EPB41: variants seen among roughly 807,000 people sequenced by gnomAD.
EPB41 encodes erythrocyte membrane protein band 4.1.
EPB41 carries 65 observed loss-of-function variants against 108.0 expected under a neutral mutation model. That is an observed-to-expected ratio of 0.60 (90% CI 0.49 to 0.74). The LOEUF (loss-of-function observed/expected upper bound fraction) is 0.74, where lower values mean the gene tolerates loss of function less well. Among genes scored for constraint, EPB41 ranks in the 30% least tolerant of loss-of-function variants. The probability of loss-of-function intolerance (pLI) is 0.00; values close to 1 mark genes in which losing one functional copy is unlikely to be tolerated. For synonymous variants in EPB41, 336 were observed against 358.9 expected, an observed-to-expected ratio of 0.94 and a Z score of 0.72; for missense variants, 875 against 1,037.0, an observed-to-expected ratio of 0.84 and a Z score of 2.15.
intron 1 of EPB41, among the ~76,000 whole-genome samples, chr1:28,888,080 C>T (rs2089655926): frequency 6.6e-6 from 1 of 152,234 alleles, no homozygotes; most frequent in African/African-American, 2.4e-5. Context: ...CAACCCGAGC[C>T]CGAGCTCGCT....
At chr1:28,902,764 C>T (rs1246035427) in intron 1 of EPB41, among the ~76,000 whole-genome samples, 1 of 152,084 alleles carries the variant, frequency 6.6e-6, no homozygotes, top group Non-Finnish European at 1.5e-5. Context: ...AGGAAATTAT[C>T]CTGGGTTTGA....
upstream of EPB41, among the ~76,000 whole-genome samples, chr1:28,911,335 C>T (rs1204060594): frequency 6.6e-6 from 1 of 152,202 alleles, no homozygotes; most frequent in African/African-American, 2.4e-5. Context: ...CTTTCAGATT[C>T]TAAAGCCTGA....
intron 1 of EPB41, among the ~76,000 whole-genome samples, chr1:28,898,734 C>T (rs530576926): frequency 6.6e-6 from 1 of 152,360 alleles, no homozygotes; most frequent in South Asian, 2.1e-4. Flanking sequence ...TCCCCTCCTG[C>T]CCCTTGCCCG....
At chr1:28,965,497 G>A (rs964695978) in intron 1 of EPB41, among the ~76,000 whole-genome samples, 7 of 152,134 alleles carry the variant, frequency 4.6e-5, no homozygotes, top group African/African-American at 1.7e-4. Context: ...AATGAATCAG[G>A]TATAGACACA....
intron 1 of EPB41, among the ~76,000 whole-genome samples, chr1:28,916,708 A>G (rs546328472): frequency 6.6e-6 from 1 of 152,274 alleles, no homozygotes; most frequent in South Asian, 2.1e-4. Context: ...TCTACCAACA[A>G]AACTATACAT....
chr1:28,985,967 C>T (rs930737538), intron 1 of EPB41, among the ~76,000 whole-genome samples: 1 of 146,466 alleles, frequency 6.8e-6, no homozygotes, highest in Non-Finnish European at 1.5e-5. Flanking sequence ...TCTCCCAATG[C>T]TATCCCTCCC....
intron 10 of EPB41, among the ~76,000 whole-genome samples, chr1:29,038,009 C>T (rs552168296): frequency 1.3e-5 from 2 of 152,246 alleles, no homozygotes; most frequent in South Asian, 2.1e-4. Flanking sequence ...TATTTTGAAG[C>T]AAATCCCAGG....
chr1:29,033,943 A>G (rs1638404891), intron 9 of EPB41, among the ~76,000 whole-genome samples: 1 of 152,206 alleles, frequency 6.6e-6, no homozygotes, highest in Non-Finnish European at 1.5e-5. Context: ...TACCTTCTCC[A>G]TCATAGTTAT....
chr1:29,078,169 A>G (rs1245738623), intron 16 of EPB41, among the ~76,000 whole-genome samples: 1 of 152,148 alleles, frequency 6.6e-6, no homozygotes, highest in African/African-American at 2.4e-5. Flanking sequence ...CAGTGAGCCA[A>G]AATTGCACCA....
intron 11 of EPB41, among the ~76,000 whole-genome samples, chr1:29,040,355 C>T (rs747133062): frequency 1.3e-5 from 2 of 152,014 alleles, no homozygotes; most frequent in South Asian, 2.1e-4. Flanking sequence ...CCTCGGCCCA[C>T]TGCAACCTCT....
chr1:28,965,159 A>G (rs114688060), intron 1 of EPB41, among the ~76,000 whole-genome samples: 2,735 of 152,234 alleles, frequency 0.018, 41 homozygotes, highest in South Asian at 0.035. Flanking sequence ...GGTTTTTTGA[A>G]TTAGTGAATA....
intron 5 of EPB41, among the ~76,000 whole-genome samples, chr1:29,015,283 C>T (rs562087940): frequency 1.3e-5 from 2 of 151,918 alleles, no homozygotes; most frequent in African/African-American, 2.4e-5. Flanking sequence ...GTAGGCTGGG[C>T]GTGGTGGCTC....
At chr1:28,945,164 A>T (rs2094449353) in intron 1 of EPB41, among the ~76,000 whole-genome samples, 1 of 151,972 alleles carries the variant, frequency 6.6e-6, no homozygotes. Context: ...ATACTTTACC[A>T]TCTAAAATTG....
intron 1 of EPB41, among the ~76,000 whole-genome samples, chr1:28,954,923 TAA>T (rs376138867): frequency 2.6e-5 from 4 of 152,370 alleles, no homozygotes; most frequent in African/African-American, 9.6e-5. Context: ...GAACACATGA[TAA>T]AGCTATTATA....
Position 29,053,204 on chromosome 1 carries a change from TA to T in EPB41, c.1744del (p.Thr582GlnfsTer11). 2 of 1,614,016 alleles carry T rather than the reference TA, an allele frequency of 1.2e-6. No homozygotes were observed. The highest frequency in any genetic ancestry group is 1.7e-6 in the Non-Finnish European group (2 of 1,180,006). ...AAGGTGGCGTCCTAGATGCCTCTGC[TA>T]AAAAAACAGTGGTCCCTAAAGCACA... ...AEGGVLDASA[K>X]KTVVPKAQKE... On this transcript the variant is annotated frameshift_variant, in exon 12 of 21. Transcript: ENST00000343067. LOFTEE classifies it high-confidence loss of function.
At chr1:29,087,232 T>C (rs1054313686) in intron 16 of EPB41, among the ~76,000 whole-genome samples, 15 of 151,046 alleles carry the variant, frequency 9.9e-5, no homozygotes, top group Non-Finnish European at 1.9e-4. Flanking sequence ...TGAGCCACCG[T>C]GCCCAGCCAA....
At chr1:29,052,350 C>T (rs1644678325) in intron 11 of EPB41, among the ~76,000 whole-genome samples, 1 of 152,182 alleles carries the variant, frequency 6.6e-6, no homozygotes, top group South Asian at 2.1e-4. Context: ...GGACAATTTA[C>T]TCCAGTTGAG....
chr1:28,953,769 A>G (rs2094836919), intron 1 of EPB41, among the ~76,000 whole-genome samples: 1 of 152,240 alleles, frequency 6.6e-6, no homozygotes, highest in Non-Finnish European at 1.5e-5. Flanking sequence ...TTACGTAGTT[A>G]ATAAAGAATG....
intron 16 of EPB41, chr1:29,096,260 A>G: frequency 1.0e-6 from 1 of 985,866 alleles, no homozygotes; most frequent in Non-Finnish European, 1.2e-6. Flanking sequence ...AGTTCCTAGT[A>G]AAAGCCAGAT....
Sources: gnomAD v4.1 joint callset for allele counts (sites outside exome capture counted in the v4.1 genomes callset) on GRCh38, gnomAD v4.1.1 for gene constraint, MANE v1.5 for transcripts, NCBI Gene and HGNC (gene_info 2026-07-23, HGNC 2026-07-21) for gene names.